Variants in MTHFD1 observed in about 807,000 individuals in gnomAD.
The protein encoded by MTHFD1 is methylenetetrahydrofolate dehydrogenase, cyclohydrolase and formyltetrahydrofolate synthetase 1.
MTHFD1 carries 44 observed loss-of-function variants against 110.3 expected under a neutral mutation model. The observed-to-expected ratio is 0.40, with a 90% confidence interval of 0.31 to 0.51. The LOEUF is 0.51. Among genes scored for constraint, MTHFD1 ranks in the 20% least tolerant of loss-of-function variants. MTHFD1 has a pLI of 0.60. For synonymous variants in MTHFD1, 402 were observed against 428.8 expected, an observed-to-expected ratio of 0.94 and a Z score of 0.77; for missense variants, 909 against 1,173.1, an observed-to-expected ratio of 0.77 and a Z score of 3.29.
Position 64,441,444 on chromosome 14 carries a change from G to A in MTHFD1, c.1875G>A (p.Gln625=), listed in dbSNP as rs967212763. The stretch of plus-strand genomic sequence containing the variant: ...ACGCAATCAAGCCCAATCTCATGCA[G>A]ACACTGGAGGTGAGCAGAGTGACTC... ...MKDAIKPNLM[Q]TLEGTPVFVH... Residue 625 remains glutamine (Q), a synonymous_variant, in exon 19 of 28, where the codon CAG becomes CAA. Coordinates refer to ENST00000652337, the MANE Select transcript of MTHFD1 (RefSeq NM_005956.4). The A allele has an allele frequency of 3.7e-6, 6 of 1,614,058 alleles. No homozygotes were observed. The highest frequency in any genetic ancestry group is 1.1e-5 in the South Asian group (1 of 91,084).
At chr14:64,412,029 G>T (rs575083150) in intron 3 of MTHFD1, among the ~76,000 whole-genome samples, 2 of 152,132 alleles carry the variant, frequency 1.3e-5, no homozygotes, top group Non-Finnish European at 2.9e-5. Context: ...CTGGTGGGCT[G>T]GGGGGATTTA....
chr14:64,431,089 T>A (rs2140967953), intron 13 of MTHFD1, among the ~76,000 whole-genome samples: 1 of 148,238 alleles, frequency 6.7e-6, no homozygotes, highest in Non-Finnish European at 1.5e-5. Context: ...TTTTTTTTTT[T>A]TTTAAGACAG....
rs760555405 is a variant in MTHFD1 at position 64,439,083 on chromosome 14, CT to C, written c.1598-12del. 1.8e-5 allele frequency: 29 copies of C among 1,608,238 alleles called. No homozygotes were observed. In the East Asian group the frequency reaches 6.2e-4, roughly 35 times the overall value. On this transcript the variant is annotated splice_polypyrimidine_tract_variant and intron_variant, in intron 16 of 27. Transcript: ENST00000652337. Reference sequence around the variant, plus strand: ...TACTCAAAATCGTTCTATATCTTGCCTGTCTGCTGTAGTGTTGGATACCAAT... The same window carrying C: ...TACTCAAAATCGTTCTATATCTTGCCGTCTGCTGTAGTGTTGGATACCAAT...
At chr14:64,421,582 T>A (rs751857157) in intron 8 of MTHFD1, among the ~76,000 whole-genome samples, 1 of 152,180 alleles carries the variant, frequency 6.6e-6, no homozygotes, top group Non-Finnish European at 1.5e-5. Flanking sequence ...ATACTTGCGA[T>A]ATGACATTCA....
rs777380840 is a variant in MTHFD1, at chr14:64,411,175, AC to A, written c.186+29del. ...GTAACGCCAGAAGAGCTGTGCCATC[AC>A]CCTCCCCAACCTCCACCTGGGTCCT... On this transcript the variant is annotated intron_variant, in intron 3 of 27. Coordinates refer to ENST00000652337, the MANE Select transcript of MTHFD1 (RefSeq NM_005956.4). The A allele has an allele frequency of 3.2e-6, 5 of 1,583,364 alleles. No homozygotes were observed. The South Asian group carries it at 5.5e-5, about 17-fold the overall frequency.
rs538338017 is a variant in MTHFD1 at position 64,453,936 on chromosome 14, A to G, written c.2565+75A>G. Reference sequence around the variant, plus strand: ...GGAGTCACAATCTCTGGGTCCTCCCAGCCCTGCCAAGTACCCGTTGCTTCA... The same window carrying G: ...GGAGTCACAATCTCTGGGTCCTCCCGGCCCTGCCAAGTACCCGTTGCTTCA... On this transcript the variant is annotated intron_variant, in intron 25 of 27. Transcript: ENST00000652337. 5 of 888,008 alleles carry G rather than the reference A, an allele frequency of 5.6e-6. No individual in the cohort carries two copies. In the Admixed American group the frequency reaches 7.4e-5, roughly 13 times the overall value. 55.0% of individuals were successfully genotyped at this position (888,008 alleles called of 1,614,324 possible). A position where few individuals can be genotyped will look rare whatever the true frequency, so the allele number is the denominator to read the frequency against.
intron 15 of MTHFD1, among the ~76,000 whole-genome samples, chr14:64,432,832 A>G (rs1425841309): frequency 6.6e-6 from 1 of 152,098 alleles, no homozygotes; most frequent in East Asian, 1.9e-4. Flanking sequence ...ACAGCTCACT[A>G]TAGCTTCCAC....
chr14:64,441,868 C>G (rs1162243874), intron 19 of MTHFD1, 186 bp from the exon 20 acceptor site: 1 of 663,378 alleles, frequency 1.5e-6, no homozygotes, highest in East Asian at 2.7e-5. Flanking sequence ...ACTTGCTCAT[C>G]TCTTTCTTCT....
At chr14:64,426,665 T>G (rs2078121653) in intron 11 of MTHFD1, among the ~76,000 whole-genome samples, 1 of 151,834 alleles carries the variant, frequency 6.6e-6, no homozygotes, top group Admixed American at 6.5e-5. Flanking sequence ...GAGAGTGTGT[T>G]TCACTATGTT....
chr14:64,392,575 C>G (rs12434608), intron 1 of MTHFD1, among the ~76,000 whole-genome samples: 59,404 of 151,942 alleles, frequency 0.39, 13,947 homozygotes, highest in Admixed American at 0.53. Flanking sequence ...GTTTGCTGGC[C>G]AAGTGCAGGG....
In MTHFD1 at chr14:64,388,622, C is replaced by T. The variant is rs73271886; in HGVS notation, c.41+154C>T. ...GACCTGCAGCCAAAGAAAGAGAACC[C>T]GGGCACAACCTGCGTTTGCAAGTGG... On this transcript the variant is annotated intron_variant, in intron 1 of 27. Transcript: ENST00000652337. The T allele has an allele frequency of 2.7e-4, 198 of 745,122 alleles. No homozygotes were observed. The African/African-American group carries it at 3.1e-3, about 12-fold the overall frequency. 46.2% of individuals were successfully genotyped at this position (745,122 alleles called of 1,614,324 possible). A position where few individuals can be genotyped will look rare whatever the true frequency, so the allele number is the denominator to read the frequency against.
chr14:64,416,250 T>C (rs10140284), intron 6 of MTHFD1, among the ~76,000 whole-genome samples: 125,838 of 151,890 alleles, frequency 0.83, 52,276 homozygotes, highest in Middle Eastern at 0.93. Flanking sequence ...GTCTCTAAAA[T>C]AAACAAACAA....
intron 21 of MTHFD1, among the ~76,000 whole-genome samples, chr14:64,444,292 T>C (rs577393444): frequency 6.6e-6 from 1 of 152,236 alleles, no homozygotes; most frequent in East Asian, 1.9e-4. Flanking sequence ...GCAGGGCTCA[T>C]CACGGGCTCT....
At chr14:64,397,438 G>A (rs1004435169) in intron 1 of MTHFD1, among the ~76,000 whole-genome samples, 5 of 151,512 alleles carry the variant, frequency 3.3e-5, no homozygotes, top group South Asian at 2.1e-4. Flanking sequence ...GACTACAGGC[G>A]CGTGCCACCA....
intron 4 of MTHFD1, among the ~76,000 whole-genome samples, chr14:64,413,260 GAGA>G (rs2077998858): frequency 6.6e-6 from 1 of 152,122 alleles, no homozygotes; most frequent in African/African-American, 2.4e-5. Context: ...GTTGAGGCAG[GAGA>G]ATCACTTGAA....
At chr14:64,420,445 A>T (rs117247369) in intron 8 of MTHFD1, among the ~76,000 whole-genome samples, 66 of 151,996 alleles carry the variant, frequency 4.3e-4, no homozygotes, top group Non-Finnish European at 8.2e-4. Context: ...GTTACCCCTT[A>T]CTCCCGTCTT....
chr14:64,400,045 G>A (rs1021274790), intron 1 of MTHFD1, among the ~76,000 whole-genome samples: 7 of 152,188 alleles, frequency 4.6e-5, no homozygotes, highest in African/African-American at 1.7e-4. Flanking sequence ...AAAGTACTGA[G>A]ATTACAGGCA....
chr14:64,444,834 T>A, intron 22 of MTHFD1, 100 bp downstream of exon 22: 1 of 1,348,966 alleles, frequency 7.4e-7, no homozygotes, highest in Non-Finnish European at 1.1e-6. Flanking sequence ...GTTATTGCTG[T>A]GACCCAGGGT....
intron 23 of MTHFD1, chr14:64,449,078 T>C (rs535013490): frequency 9.4e-5 from 33 of 349,614 alleles, no homozygotes; most frequent in East Asian, 2.2e-4. Context: ...GGATTACAAG[T>C]GTGAGCCACC....
Sources: allele counts gnomAD v4.1 joint callset (sites outside exome capture counted in the v4.1 genomes callset), GRCh38; gene constraint gnomAD v4.1.1; transcripts MANE v1.5; gene names NCBI Gene and HGNC (gene_info 2026-07-23, HGNC 2026-07-21).